Variants in LRP1B observed in about 807,000 individuals in gnomAD.
The protein encoded by LRP1B is low-density lipoprotein receptor-related protein 1B.
LRP1B carries 217 observed loss-of-function variants against 556.6 expected under a neutral mutation model. That is an observed-to-expected ratio of 0.39 (90% CI 0.35 to 0.44). The LOEUF is 0.44. Among genes scored for constraint, LRP1B ranks in the 20% least tolerant of loss-of-function variants. The pLI is 1.00. For missense variants in LRP1B, 5,053 were observed against 5,620.8 expected (o/e 0.90, Z 3.23); for synonymous variants, 2,047 against 1,865.8 (o/e 1.10, Z -2.50).
chr2:141,258,008 G>T (rs994936830), intron 3 of LRP1B, among the ~76,000 whole-genome samples: 1 of 152,182 alleles, frequency 6.6e-6, no homozygotes. Flanking sequence ...TTCACCCAGT[G>T]ACTTTCGTCA....
chr2:140,983,207 A>G lies in LRP1B; in HGVS notation c.2771-931T>C, dbSNP rs563057111. ...TTTCTTCTGTCCCTCTGAACTACGA[A>G]TATGTCTTTATGAGTCTCGATATCC... On this transcript the variant is annotated intron_variant, in intron 17 of 90. Transcript: ENST00000389484. Among the ~76,000 whole-genome samples the G allele has an allele frequency of 2.0e-5, 3 of 152,092 alleles. No homozygotes were observed. In the South Asian group the frequency reaches 6.2e-4, roughly 32 times the overall value.
chr2:140,574,098 A>T (rs188196292), intron 43 of LRP1B, among the ~76,000 whole-genome samples: 1 of 152,176 alleles, frequency 6.6e-6, no homozygotes, highest in Admixed American at 6.5e-5. Flanking sequence ...TCAAACTCTG[A>T]CAGTTTGCAT....
chr2:141,147,720 G>C (rs1251125884), intron 7 of LRP1B, among the ~76,000 whole-genome samples: 1 of 152,146 alleles, frequency 6.6e-6, no homozygotes, highest in Non-Finnish European at 1.5e-5. Context: ...CATTTGCCTT[G>C]CTATGTCAAA....
intron 2 of LRP1B, among the ~76,000 whole-genome samples, chr2:141,499,416 T>C (rs1245129846): frequency 6.6e-6 from 1 of 152,122 alleles, no homozygotes. Flanking sequence ...CTTGTTCACA[T>C]TGGCCCTGTC....
intron 66 of LRP1B, among the ~76,000 whole-genome samples, chr2:140,425,633 A>T (rs979124534): frequency 1.3e-5 from 2 of 151,268 alleles, no homozygotes; most frequent in Non-Finnish European, 2.9e-5. Flanking sequence ...CTGGTCTTGA[A>T]CTCCTGACCT....
At chr2:140,569,133 T>C (rs1681230156) in intron 43 of LRP1B, among the ~76,000 whole-genome samples, 1 of 151,492 alleles carries the variant, frequency 6.6e-6, no homozygotes, top group Admixed American at 6.6e-5. Context: ...AAAACCACAA[T>C]GATAAATAAT....
intron 2 of LRP1B, among the ~76,000 whole-genome samples, chr2:141,523,259 A>G (rs1684586369): frequency 2.0e-5 from 3 of 152,152 alleles, no homozygotes; most frequent in Admixed American, 2.0e-4. Context: ...GACCCAGGAC[A>G]TATAAATATT....
rs2105323999 is a variant in LRP1B at position 140,457,551 on chromosome 2, T to C, written c.9726A>G (p.Lys3242=). 2 of 1,613,846 alleles carry C rather than the reference T, an allele frequency of 1.2e-6. No homozygotes were observed. ...GKTKSLSRAH[K]TSGADRLSLI... ...GTGAGAGTCTGTCTGCTCCCGATGT[T>C]TTATGGGCACGGCTGAGTGACTTGG... Residue 3242 remains lysine, a synonymous_variant, in exon 61 of 91, where the codon AAA becomes AAG. Coordinates refer to ENST00000389484, the MANE Select transcript of LRP1B (RefSeq NM_018557.3).
intron 37 of LRP1B, among the ~76,000 whole-genome samples, chr2:140,707,365 G>A (rs1686876647): frequency 6.6e-6 from 1 of 152,046 alleles, no homozygotes; most frequent in South Asian, 2.1e-4. Flanking sequence ...CCTAGCGTGG[G>A]AGTCAACAGT....
chr2:140,637,286 T>G (rs1011927451), intron 41 of LRP1B, among the ~76,000 whole-genome samples: 1 of 152,170 alleles, frequency 6.6e-6, no homozygotes, highest in African/African-American at 2.4e-5. Context: ...AAAGCCCAAA[T>G]TTGACATGGG....
intron 1 of LRP1B, among the ~76,000 whole-genome samples, chr2:142,030,484 T>C (rs1194244019): frequency 2.4e-4 from 36 of 151,918 alleles, no homozygotes; most frequent in Non-Finnish European, 1.8e-4. Context: ...CACAATTAAG[T>C]TGATACTGAG....
intron 3 of LRP1B, among the ~76,000 whole-genome samples, chr2:141,375,631 TG>T (rs1689400064): frequency 6.6e-6 from 1 of 152,070 alleles, no homozygotes; most frequent in East Asian, 1.9e-4. Context: ...CACAGCTGGG[TG>T]GGAGCTGCAA....
chr2:141,762,667 G>T (rs1180709704), intron 2 of LRP1B, among the ~76,000 whole-genome samples: 1 of 152,142 alleles, frequency 6.6e-6, no homozygotes, highest in Non-Finnish European at 1.5e-5. Context: ...CGTCTCTCAG[G>T]TGAGATTGTA....
chr2:140,990,670 G>T (rs1697066505), intron 16 of LRP1B, among the ~76,000 whole-genome samples: 1 of 151,964 alleles, frequency 6.6e-6, no homozygotes, highest in South Asian at 2.1e-4. Flanking sequence ...GCACAGCTAA[G>T]GATTAAACTT....
At chr2:141,856,001 T>G (rs1369537) in intron 1 of LRP1B, among the ~76,000 whole-genome samples, 51,258 of 151,992 alleles carry the variant, frequency 0.34, 9,496 homozygotes, top group Middle Eastern at 0.47. Context: ...AAATATCCAG[T>G]TGTCTTAACT....
In LRP1B at chr2:141,547,246, C is replaced by T. The variant is rs541964745; in HGVS notation, c.206-66713G>A. Among the ~76,000 whole-genome samples, 257 of 152,278 alleles carry T rather than the reference C, an allele frequency of 1.7e-3. 2 individuals are homozygous for T. Among genetic ancestry groups the T allele is most frequent in the Middle Eastern group, 0.01 (3 of 294 alleles). On this transcript the variant is annotated intron_variant, in intron 2 of 90. Coordinates refer to ENST00000389484, the MANE Select transcript of LRP1B (RefSeq NM_018557.3). ...AAATGCATTCCTCTCCCTACACATG[C>T]TTTCACCTCTAATGTCTGTCAGATC...
chr2:141,222,366 T>C (rs550998797), intron 6 of LRP1B, among the ~76,000 whole-genome samples: 1 of 152,114 alleles, frequency 6.6e-6, no homozygotes, highest in Non-Finnish European at 1.5e-5. Flanking sequence ...AATAATGAAT[T>C]CTGAAACTGA....
intron 2 of LRP1B, among the ~76,000 whole-genome samples, chr2:141,698,146 C>CT (rs995619953): frequency 2.0e-5 from 3 of 151,758 alleles, no homozygotes; most frequent in African/African-American, 4.8e-5. Flanking sequence ...CACATTTAAA[C>CT]TTTTTTTGGC....
rs878861986 is a variant in LRP1B, at chr2:141,810,113, A to AAGAAAG, written c.205+165_205+166insCTTTCT. Among the ~76,000 whole-genome samples, 146 of 77,918 alleles carry AAGAAAG rather than the reference A, an allele frequency of 1.9e-3. 1 individual carries two copies. The highest frequency in any genetic ancestry group is 5.7e-3 in the East Asian group (15 of 2,618). The allele number at this position is 77,918 out of a possible 152,430, so 51.1% of individuals were successfully genotyped here. On this transcript the variant is annotated intron_variant, in intron 2 of 90. Transcript: ENST00000389484. ...TTTGGAAAAAAGAAAGAAAGAAAGA[A>AAGAAAG]AAAGAAAGAAAGAAAGAAAGAAAGA...
Sources: allele counts gnomAD v4.1 joint callset (sites outside exome capture counted in the v4.1 genomes callset), GRCh38; gene constraint gnomAD v4.1.1; transcripts MANE v1.5; gene names NCBI Gene and HGNC (gene_info 2026-07-23, HGNC 2026-07-21).